The following SH3RF3 variants were observed in gnomAD, a reference collection of about 807,000 sequenced individuals.
SH3RF3 encodes the protein SH3 domain containing ring finger 3.
Under a neutral mutation model 66.3 loss-of-function variants are expected in SH3RF3, and 29 were observed. The observed-to-expected ratio is 0.44, with a 90% CI of 0.33 to 0.60. The LOEUF (loss-of-function observed/expected upper bound fraction) is 0.60. Among genes scored for constraint, SH3RF3 ranks in the 20% least tolerant of loss-of-function variants. SH3RF3 has a pLI of 0.04. For missense variants in SH3RF3, 1,194 were observed against 1,190.9 expected (o/e 1.00, Z -0.04); for synonymous variants, 583 against 532.0 (o/e 1.10, Z -1.32).
chr2:109,191,350 G>C (rs1294126684), intron 1 of SH3RF3, among the ~76,000 whole-genome samples: 3 of 152,226 alleles, frequency 2.0e-5, no homozygotes, highest in Non-Finnish European at 4.4e-5. Context: ...CCCTGGAGGG[G>C]CCTTGCAGTA....
At chr2:109,207,807 C>T (rs1369894277) in intron 1 of SH3RF3, among the ~76,000 whole-genome samples, 4 of 152,098 alleles carry the variant, frequency 2.6e-5, no homozygotes, top group African/African-American at 9.7e-5. Context: ...GTTTAAATGG[C>T]ACAATTTTCT....
intron 1 of SH3RF3, among the ~76,000 whole-genome samples, chr2:109,263,565 G>A (rs887854991): frequency 6.6e-6 from 1 of 152,210 alleles, no homozygotes; most frequent in African/African-American, 2.4e-5. Flanking sequence ...GCCAGGTAGA[G>A]AATTTGCTTT....
rs180857577 is a variant in SH3RF3, at chr2:109,426,105, C to T, written c.1404-6396C>T. On this transcript the variant is annotated intron_variant, in intron 5 of 9. Transcript: ENST00000309415. Reference sequence around the variant, plus strand: ...TATTTTTTTAGTAGAGACAGGTTTTCGCCATGTTGGCCAGGCTGGTGTCTA... The same window carrying T: ...TATTTTTTTAGTAGAGACAGGTTTTTGCCATGTTGGCCAGGCTGGTGTCTA... Among the ~76,000 whole-genome samples the T allele has an allele frequency of 3.7e-3, 561 of 152,252 alleles. 5 individuals are homozygous for T. Among genetic ancestry groups the T allele is most frequent in the South Asian group, 7.9e-3 (38 of 4,818 alleles).
intron 1 of SH3RF3, 145 bp downstream of exon 1, chr2:109,130,258 C>G (rs930023701): frequency 1.1e-5 from 9 of 837,532 alleles, no homozygotes; most frequent in African/African-American, 7.1e-5. Flanking sequence ...CCTCCAACTT[C>G]GCTTGCTTGG....
chr2:109,493,113 A>G (rs1679174841), intron 9 of SH3RF3, among the ~76,000 whole-genome samples: 1 of 150,618 alleles, frequency 6.6e-6, no homozygotes. Flanking sequence ...CACCACAGAT[A>G]CATCATATAA....
chr2:109,283,529 T>TGGGCCACCCA (rs997913477), intron 1 of SH3RF3, among the ~76,000 whole-genome samples: 3 of 151,598 alleles, frequency 2.0e-5, no homozygotes, highest in African/African-American at 7.3e-5. Context: ...AGGGGAGGGA[T>TGGGCCACCCA]GGGCCACCCA....
intron 8 of SH3RF3, among the ~76,000 whole-genome samples, chr2:109,482,101 G>A (rs1190677120): frequency 6.6e-6 from 1 of 152,156 alleles, no homozygotes; most frequent in Non-Finnish European, 1.5e-5. Context: ...GCCTCAGCAA[G>A]TCCCGGGTTC....
intron 2 of SH3RF3, 81 bp from the exon 3 acceptor site, chr2:109,371,505 C>A: frequency 8.6e-7 from 1 of 1,168,334 alleles, no homozygotes; most frequent in Non-Finnish European, 1.3e-6. Context: ...CGAGCCTCCA[C>A]AGTACTAACC....
At chr2:109,478,522 G>A (rs372822916) in intron 8 of SH3RF3, among the ~76,000 whole-genome samples, 13 of 152,336 alleles carry the variant, frequency 8.5e-5, no homozygotes, top group African/African-American at 3.1e-4. Flanking sequence ...CTGAGGTTCA[G>A]TCCTTGGCAT....
chr2:109,292,088 C>T (rs900499773), intron 1 of SH3RF3, among the ~76,000 whole-genome samples: 4 of 152,226 alleles, frequency 2.6e-5, no homozygotes, highest in Non-Finnish European at 4.4e-5. Flanking sequence ...TGGTCTCGAT[C>T]TCCTGACCTC....
In SH3RF3 at chr2:109,430,245, A is replaced by C. The variant is rs1160923110; in HGVS notation, c.1404-2256A>C. The stretch of plus-strand genomic sequence containing the variant: ...CATTCTGCATGTGGCCACTGAAGCA[A>C]ACTGTTTTGACACCATAAAGCAACA... On this transcript the variant is annotated intron_variant, in intron 5 of 9. Coordinates refer to ENST00000309415, the MANE Select transcript of SH3RF3 (RefSeq NM_001099289.3). 2.0e-5 allele frequency among the ~76,000 whole-genome samples: 3 copies of C among 152,248 alleles called. No homozygotes were observed. In the East Asian group the frequency reaches 5.8e-4, roughly 29 times the overall value.
intron 1 of SH3RF3, among the ~76,000 whole-genome samples, chr2:109,178,019 T>C (rs923335067): frequency 6.6e-6 from 1 of 152,210 alleles, no homozygotes; most frequent in African/African-American, 2.4e-5. Flanking sequence ...CCTAAATCTT[T>C]TCTCCCAATT....
chr2:109,224,192 G>T (rs1018553810), intron 1 of SH3RF3, among the ~76,000 whole-genome samples: 2 of 152,144 alleles, frequency 1.3e-5, no homozygotes, highest in African/African-American at 2.4e-5. Flanking sequence ...AAATGGAGGG[G>T]GTGTGGGCAT....
chr2:109,413,246 C>G (rs574972507), intron 4 of SH3RF3, among the ~76,000 whole-genome samples: 1 of 152,332 alleles, frequency 6.6e-6, no homozygotes, highest in African/African-American at 2.4e-5. Flanking sequence ...TCCCAAGTAA[C>G]TGGGATTACA....
chr2:109,151,176 G>A (rs1169990666), intron 1 of SH3RF3, among the ~76,000 whole-genome samples: 1 of 152,220 alleles, frequency 6.6e-6, no homozygotes, highest in Non-Finnish European at 1.5e-5. Context: ...AAAGTGCAAT[G>A]AATATATTGA....
chr2:109,297,995 C>T (rs566943465), intron 1 of SH3RF3, among the ~76,000 whole-genome samples: 2 of 152,222 alleles, frequency 1.3e-5, no homozygotes, highest in Admixed American at 6.5e-5. Flanking sequence ...CTTGGGTTTG[C>T]GCCTCAGCTG....
chr2:109,139,705 A>G (rs1676895655), intron 1 of SH3RF3, among the ~76,000 whole-genome samples: 1 of 152,250 alleles, frequency 6.6e-6, no homozygotes, highest in Non-Finnish European at 1.5e-5. Flanking sequence ...GAGGTGACGT[A>G]TATCAGATCC....
intron 3 of SH3RF3, among the ~76,000 whole-genome samples, chr2:109,388,922 A>G (rs1559056495): frequency 6.6e-6 from 1 of 152,142 alleles, no homozygotes; most frequent in Non-Finnish European, 1.5e-5. Flanking sequence ...AGTGGTGAGG[A>G]GGTAGCAGGT....
intron 1 of SH3RF3, among the ~76,000 whole-genome samples, chr2:109,162,659 C>A (rs1250227312): frequency 6.6e-6 from 1 of 152,148 alleles, no homozygotes; most frequent in Non-Finnish European, 1.5e-5. Flanking sequence ...CAAGTCTTTG[C>A]TGTTGTGAAT....
Sources: allele counts gnomAD v4.1 joint callset (sites outside exome capture counted in the v4.1 genomes callset), GRCh38; gene constraint gnomAD v4.1.1; transcripts MANE v1.5; gene names NCBI Gene and HGNC (gene_info 2026-07-23, HGNC 2026-07-21).